The following PITPNM3 variants were observed in gnomAD, a reference collection of about 807,000 sequenced individuals.
The protein encoded by PITPNM3 is PITPNM family member 3, also known as membrane-associated phosphatidylinositol transfer protein 3.
In PITPNM3, 26 loss-of-function variants were observed where a neutral mutation model predicts 102.0. The ratio of observed to expected loss-of-function variants is 0.25; its 90% CI spans 0.19 to 0.35. The LOEUF (loss-of-function observed/expected upper bound fraction) is 0.35. PITPNM3 is among the 10% of genes least tolerant of loss of function. PITPNM3 has a pLI of 1.00. For missense variants in PITPNM3, 1,083 were observed against 1,346.1 expected (o/e 0.80, Z 3.06); for synonymous variants, 578 against 558.6 (o/e 1.03, Z -0.49).
intron 4 of PITPNM3, among the ~76,000 whole-genome samples, chr17:6,487,469 G>A (rs913442738): frequency 4.6e-5 from 7 of 152,148 alleles, no homozygotes; most frequent in Non-Finnish European, 5.9e-5. Context: ...GGACATTGCC[G>A]CCTCCACACT....
At position 6,556,250 on chromosome 17, in the gene PITPNM3, C is replaced by A. The variant is rs555828236; in HGVS notation, c.22+135G>T. On this transcript the variant is annotated intron_variant, in intron 1 of 19. Coordinates refer to ENST00000262483, the MANE Select transcript of PITPNM3 (RefSeq NM_031220.4). The surrounding 1 kb of genome is among the most constrained non-coding windows in gnomAD (Gnocchi z 5.2). ...TCTCCACGCGCGGGAGGTCCAGCCC[C>A]GCTACCGCCCCCTACGCCCTCCCGG... 9.9e-5 allele frequency: 64 copies of A among 649,610 alleles called. No individual in the cohort carries two copies. The South Asian group carries it at 2.0e-3, about 21-fold the overall frequency. 40.2% of individuals were successfully genotyped at this position (649,610 alleles called of 1,614,324 possible). A position where few individuals can be genotyped will look rare whatever the true frequency, so the allele number is the denominator to read the frequency against.
intron 9 of PITPNM3, 70 bp from the exon 10 acceptor site, chr17:6,474,674 G>C (rs1164079925): frequency 2.7e-6 from 4 of 1,490,658 alleles, no homozygotes; most frequent in Non-Finnish European, 3.6e-6. Context: ...TGTTCACACA[G>C]CAGCGCAGCC....
At chr17:6,502,894 A>C (rs1383362492) in intron 4 of PITPNM3, among the ~76,000 whole-genome samples, 2 of 152,142 alleles carry the variant, frequency 1.3e-5, no homozygotes, top group Non-Finnish European at 2.9e-5. Context: ...CCCAGGTCCA[A>C]TGCTGTGCTC....
In PITPNM3 at chr17:6,496,511, G is replaced by A. The variant is rs554883996; in HGVS notation, c.274+7016C>T. 9.9e-5 allele frequency among the ~76,000 whole-genome samples: 15 copies of A among 152,196 alleles called. No homozygotes were observed. In the South Asian group the frequency reaches 3.1e-3, roughly 32 times the overall value. On this transcript the variant is annotated intron_variant, in intron 4 of 19. Coordinates refer to ENST00000262483, the MANE Select transcript of PITPNM3 (RefSeq NM_031220.4). ...ACCTCAGTGTTCCTTCCTTCCGGGG[G>A]CCTTCCACTCTTCCTGTCCTCTCCA...
chr17:6,461,621 T>G (rs976218367), intron 17 of PITPNM3, 65 bp from the exon 18 acceptor site: 25 of 1,566,856 alleles, frequency 1.6e-5, no homozygotes, highest in Non-Finnish European at 2.1e-5. Flanking sequence ...CCCAGAAGCC[T>G]GCCCTGCCCG....
chr17:6,475,137 C>T (rs1039023821), intron 9 of PITPNM3, among the ~76,000 whole-genome samples: 8 of 152,336 alleles, frequency 5.3e-5, no homozygotes, highest in Middle Eastern at 3.4e-3. Flanking sequence ...CTGCTGGGAT[C>T]AGGGCTTTCA....
intron 9 of PITPNM3, 77 bp from the exon 10 acceptor site, chr17:6,474,681 A>G (rs1490928452): frequency 6.8e-7 from 1 of 1,476,634 alleles, no homozygotes; most frequent in Non-Finnish European, 9.1e-7. Context: ...ACAGCAGCGC[A>G]GCCTGAATTC....
chr17:6,510,872 G>A (rs952848427), intron 3 of PITPNM3, among the ~76,000 whole-genome samples: 1 of 152,256 alleles, frequency 6.6e-6, no homozygotes, highest in Non-Finnish European at 1.5e-5. Context: ...TGAAGTCAGG[G>A]GAAGAGCCGG....
intron 1 of PITPNM3, among the ~76,000 whole-genome samples, chr17:6,546,264 A>T (rs1036010571): frequency 6.6e-6 from 1 of 152,210 alleles, no homozygotes; most frequent in Admixed American, 6.5e-5. Flanking sequence ...TTCAGGGGAC[A>T]CGCCAGGAGC....
intron 3 of PITPNM3, among the ~76,000 whole-genome samples, chr17:6,515,397 C>CAAAAAAA (rs61420968): frequency 1.8e-4 from 15 of 82,204 alleles, no homozygotes; most frequent in Non-Finnish European, 3.3e-4. Flanking sequence ...GACTCCATCT[C>CAAAAAAA]AAAAAAAAAA....
rs564612855 is a variant in PITPNM3, at chr17:6,478,149, C to T, written c.778-52G>A. 6.0e-5 allele frequency: 97 copies of T among 1,608,940 alleles called. No homozygotes were observed. In the East Asian group the frequency reaches 1.3e-3, roughly 21 times the overall value. ...GGCCTGCCCACTGCTGACCCCTCAC[C>T]CCCACACCCGGCCAGAGCAGTGCTG... is the stretch of plus-strand genomic sequence containing the variant. On this transcript the variant is annotated intron_variant, in intron 7 of 19. Coordinates refer to ENST00000262483, the MANE Select transcript of PITPNM3 (RefSeq NM_031220.4). The surrounding 1 kb of genome is among the most constrained non-coding windows in gnomAD (Gnocchi z 4.4).
rs778820145 is a variant in PITPNM3, at chr17:6,464,741, C to T, written c.1921G>A (p.Val641Met). The T allele has an allele frequency of 6.2e-7, 1 of 1,614,208 alleles. No homozygotes were observed. Among genetic ancestry groups the T allele is most frequent in the South Asian group, 1.1e-5 (1 of 91,078 alleles). Residue 641 changes from valine to methionine, a missense_variant, in exon 15 of 20, where the codon GTG becomes ATG. By Grantham distance (21) the Val-to-Met change is conservative. Coordinates refer to ENST00000262483, the MANE Select transcript of PITPNM3 (RefSeq NM_031220.4). Reference protein sequence around the residue: ...NVTANHRANDVIAAEDGPQVL... With the variant: ...NVTANHRANDMIAAEDGPQVL... The stretch of plus-strand genomic sequence containing the variant: ...TGGGGGCCATCTTCAGCAGCAATCA[C>T]ATCATTGGCCCGGTGATTAGCCGTG...
chr17:6,516,005 A>T (rs1908149570), intron 3 of PITPNM3, among the ~76,000 whole-genome samples: 1 of 152,208 alleles, frequency 6.6e-6, no homozygotes, highest in South Asian at 2.1e-4. Flanking sequence ...ACACAGCGAG[A>T]CCCTGTCTCT....
At chr17:6,473,558 C>T (rs1296950492) in intron 10 of PITPNM3, among the ~76,000 whole-genome samples, 1 of 152,168 alleles carries the variant, frequency 6.6e-6, no homozygotes, top group African/African-American at 2.4e-5. Context: ...CCCAAGGTGC[C>T]CTGCAGCCTC....
At chr17:6,475,548 A>G (rs1905265398) in intron 9 of PITPNM3, among the ~76,000 whole-genome samples, 1 of 152,242 alleles carries the variant, frequency 6.6e-6, no homozygotes, top group Non-Finnish European at 1.5e-5. Context: ...TTGAATCCTC[A>G]GTCTCCGCAC....
Position 6,468,209 on chromosome 17 carries a change from C to A in PITPNM3, c.1890+16G>T, listed in dbSNP as rs766886581. 3.1e-6 allele frequency: 5 copies of A among 1,610,888 alleles called. No homozygotes were observed. In the Admixed American group the frequency reaches 5.0e-5, roughly 16 times the overall value. ...GGACACAGTCCCAGCCACATGCGAA[C>A]TGAGCATGCACGCACCCTCAGCTTG... On this transcript the variant is annotated intron_variant, in intron 14 of 19. Coordinates refer to ENST00000262483, the MANE Select transcript of PITPNM3 (RefSeq NM_031220.4). The surrounding 1 kb of genome is among the most constrained non-coding windows in gnomAD (Gnocchi z 5.2).
rs772866291 is a variant in PITPNM3, at chr17:6,484,194, C to T, written c.351+22G>A. On this transcript the variant is annotated intron_variant, in intron 5 of 19. Coordinates refer to ENST00000262483, the MANE Select transcript of PITPNM3 (RefSeq NM_031220.4). ...TCCTGGCCTCTGAGTTGAGCCCAGA[C>T]ACCCTCCGAAGCCCAGCCTACCTCG... The T allele has an allele frequency of 5.1e-6, 8 of 1,579,872 alleles. No homozygotes were observed. In the African/African-American group the frequency reaches 8.1e-5, roughly 16 times the overall value.
chr17:6,461,682 G>A lies in PITPNM3; in HGVS notation c.2307-126C>T, dbSNP rs935180676. On this transcript the variant is annotated intron_variant, in intron 17 of 19. Coordinates refer to ENST00000262483, the MANE Select transcript of PITPNM3 (RefSeq NM_031220.4). ...GGACGAGTCTGAGGCGTGCTAGGGA[G>A]AACAAGGGGGACCCCGAATCCCCTC... 4.5e-6 allele frequency: 5 copies of A among 1,099,548 alleles called. No homozygotes were observed. The African/African-American group carries it at 6.2e-5, about 14-fold the overall frequency. 68.1% of individuals were successfully genotyped at this position (1,099,548 alleles called of 1,614,324 possible).
intron 4 of PITPNM3, among the ~76,000 whole-genome samples, chr17:6,501,832 C>T (rs1203114346): frequency 2.0e-5 from 3 of 152,190 alleles, no homozygotes; most frequent in East Asian, 1.9e-4. Flanking sequence ...GTGCTTCCCC[C>T]GTGGCCTTGC....
Sources: allele counts gnomAD v4.1 joint callset (sites outside exome capture counted in the v4.1 genomes callset), GRCh38; gene constraint gnomAD v4.1.1; non-coding constraint Gnocchi (gnomAD v3.1); transcripts MANE v1.5; gene names NCBI Gene and HGNC (gene_info 2026-07-23, HGNC 2026-07-21).